Variants in SCARA5 observed in about 807,000 individuals in gnomAD.
SCARA5 encodes the protein scavenger receptor class A member 5, also known as scavenger receptor class A, member 5 (putative).
In SCARA5, 45 loss-of-function variants were observed where a neutral mutation model predicts 46.3. That is an observed-to-expected ratio of 0.97 (90% CI 0.76 to 1.24). SCARA5 has a LOEUF of 1.24. Among genes scored for constraint, SCARA5 ranks in the 50% most tolerant of loss-of-function variants. The pLI is 0.00. For missense variants in SCARA5, 680 were observed against 689.0 expected (o/e 0.99, Z 0.15); for synonymous variants, 333 against 306.5 (o/e 1.09, Z -0.90).
At chr8:27,940,541 C>G (rs550797098) in intron 3 of SCARA5, among the ~76,000 whole-genome samples, 1 of 152,030 alleles carries the variant, frequency 6.6e-6, no homozygotes, top group Non-Finnish European at 1.5e-5. Flanking sequence ...TTTCTCAAAA[C>G]CCAGTTCACA....
At chr8:27,939,151 T>C (rs1416985180) in intron 3 of SCARA5, among the ~76,000 whole-genome samples, 2 of 152,108 alleles carry the variant, frequency 1.3e-5, no homozygotes, top group Non-Finnish European at 2.9e-5. Context: ...AAACTTAGGG[T>C]TTTGGATCTG....
At chr8:27,904,718 T>C (rs2726984) in intron 7 of SCARA5, 60 bp downstream of exon 7, 890,875 of 1,464,710 alleles carry the variant, frequency 0.61, 274,095 homozygotes, top group Non-Finnish European at 0.63. Context: ...TGGGGCTGCT[T>C]GGGGGACAGC....
intron 7 of SCARA5, among the ~76,000 whole-genome samples, chr8:27,881,093 T>C (rs899706196): frequency 7.2e-5 from 11 of 152,220 alleles, no homozygotes; most frequent in African/African-American, 2.4e-4. Context: ...ATACTGTTGG[T>C]GGGAATGTAA....
At chr8:27,987,672 C>T (rs184325057) in intron 1 of SCARA5, 42 bp from the exon 2 acceptor site, 32 of 1,173,498 alleles carry the variant, frequency 2.7e-5, no homozygotes, top group African/African-American at 1.1e-4. Context: ...GGACGAAGGC[C>T]GGGAGAGAGA....
intron 7 of SCARA5, among the ~76,000 whole-genome samples, chr8:27,898,947 G>A (rs1310435662): frequency 6.6e-6 from 1 of 152,242 alleles, no homozygotes; most frequent in East Asian, 1.9e-4. Context: ...AGAGAGGGCA[G>A]GGAAGCTCTG....
Position 27,870,497 on chromosome 8 carries a change from G to A in SCARA5, c.*1437C>T, listed in dbSNP as rs967933372. The A allele has an allele frequency of 1.3e-5, 2 of 152,272 alleles. No individual in the cohort carries two copies. The highest frequency in any genetic ancestry group is 2.4e-5 in the African/African-American group (1 of 41,364). 9.4% of individuals were successfully genotyped at this position (152,272 alleles called of 1,614,324 possible). ...TGTTCCTACACCTGGAGGGGCCCAGGTCTCTCCCCAAGCAGGCCAGTGCTC... is the reference window on the plus strand; with the variant it reads ...TGTTCCTACACCTGGAGGGGCCCAGATCTCTCCCCAAGCAGGCCAGTGCTC... On this transcript the variant is annotated 3_prime_UTR_variant, in exon 9 of 9. Coordinates refer to ENST00000354914, the MANE Select transcript of SCARA5 (RefSeq NM_173833.6).
chr8:27,947,708 T>TAAAAAAAA (rs34760183), intron 3 of SCARA5, among the ~76,000 whole-genome samples: 2 of 112,910 alleles, frequency 1.8e-5, no homozygotes, highest in Admixed American at 1.8e-4. Flanking sequence ...GTGTCTCTAC[T>TAAAAAAAA]AAAAAAAAAA....
chr8:27,989,255 C>T (rs1808752474), intron 1 of SCARA5, among the ~76,000 whole-genome samples: 1 of 150,688 alleles, frequency 6.6e-6, no homozygotes, highest in South Asian at 2.1e-4. Context: ...CCCAACTCAT[C>T]CTCCTGAGTA....
intron 3 of SCARA5, among the ~76,000 whole-genome samples, chr8:27,929,252 GC>G (rs1167917110): frequency 6.9e-6 from 1 of 143,988 alleles, no homozygotes; most frequent in African/African-American, 2.5e-5. Flanking sequence ...CCCACCCACA[GC>G]CCACCCCAAG....
chr8:27,922,649 G>C (rs1423230991), intron 3 of SCARA5, among the ~76,000 whole-genome samples: 1 of 152,234 alleles, frequency 6.6e-6, no homozygotes, highest in African/African-American at 2.4e-5. Flanking sequence ...AAAAGCAGTT[G>C]CATATCAGCA....
At chr8:27,938,092 G>C (rs558480260) in intron 3 of SCARA5, among the ~76,000 whole-genome samples, 6 of 151,956 alleles carry the variant, frequency 3.9e-5, no homozygotes, top group African/African-American at 1.4e-4. Context: ...TTTCCAAGCT[G>C]TGGTCTTGTC....
At chr8:27,989,109 T>C (rs867412993) in intron 1 of SCARA5, among the ~76,000 whole-genome samples, 2,736 of 150,994 alleles carry the variant, frequency 0.018, 81 homozygotes, top group African/African-American at 0.064. Context: ...TCTTCTTTTT[T>C]TTTTTCTGTT....
intron 8 of SCARA5, among the ~76,000 whole-genome samples, chr8:27,874,309 A>C (rs1806689608): frequency 6.6e-6 from 1 of 152,220 alleles, no homozygotes; most frequent in South Asian, 2.1e-4. Context: ...CCCCAGAAAG[A>C]TTGAGTGACA....
intron 2 of SCARA5, among the ~76,000 whole-genome samples, chr8:27,973,326 A>G (rs1383400315): frequency 1.3e-5 from 2 of 151,926 alleles, no homozygotes; most frequent in Admixed American, 6.6e-5. Flanking sequence ...AAAATACAAA[A>G]ATTAGCCAGG....
intron 3 of SCARA5, among the ~76,000 whole-genome samples, chr8:27,957,698 G>A (rs976105940): frequency 6.6e-6 from 1 of 152,222 alleles, no homozygotes; most frequent in African/African-American, 2.4e-5. Flanking sequence ...GCCAGAGTAG[G>A]CAATGCGTCT....
rs1413640289 is a variant in SCARA5 at position 27,921,651 on chromosome 8, A to G, written c.836T>C (p.Met279Thr). Residue 279 changes from methionine (M) to threonine (T), a missense_variant, in exon 4 of 9, where the codon ATG becomes ACG. Physicochemically the swap from Met to Thr is moderately conservative, Grantham distance 81. Around this residue, in one of 3 missense-constraint regions of SCARA5, gnomAD observed 438 missense variants for 384.5 expected, o/e 1.14. Coordinates refer to ENST00000354914, the MANE Select transcript of SCARA5 (RefSeq NM_173833.6). ...CAGGTCCTCGGTGACCGCGTTGAGC[A>G]TGGCCAGCTCCTGCTTCAGCTGCAG... is the stretch of plus-strand genomic sequence containing the variant. ...MELQLKQELA[M>T]LNAVTEDLRL... The G allele has an allele frequency of 1.2e-6, 2 of 1,608,640 alleles. No homozygotes were observed. The highest frequency in any genetic ancestry group is 1.1e-5 in the South Asian group (1 of 90,058).
chr8:27,986,595 T>C (rs761543529), intron 2 of SCARA5, among the ~76,000 whole-genome samples: 1 of 152,204 alleles, frequency 6.6e-6, no homozygotes, highest in Non-Finnish European at 1.5e-5. Flanking sequence ...AATCTCCTTG[T>C]GTCCTCTGCC....
At chr8:27,937,863 C>A (rs527592807) in intron 3 of SCARA5, among the ~76,000 whole-genome samples, 23 of 152,168 alleles carry the variant, frequency 1.5e-4, no homozygotes, top group Non-Finnish European at 2.1e-4. Flanking sequence ...CTGGTCATAT[C>A]GGATCAGGGC....
At chr8:27,965,257 G>A (rs1808351781) in intron 3 of SCARA5, among the ~76,000 whole-genome samples, 2 of 152,198 alleles carry the variant, frequency 1.3e-5, no homozygotes, top group African/African-American at 4.8e-5. Flanking sequence ...AGACCGGGGA[G>A]GTCCTGGCCA....
Sources: gnomAD v4.1 joint callset for allele counts (sites outside exome capture counted in the v4.1 genomes callset) on GRCh38, gnomAD v4.1.1 for gene constraint, gnomAD v4.1.1 regional missense constraint, MANE v1.5 for transcripts, NCBI Gene and HGNC (gene_info 2026-07-23, HGNC 2026-07-21) for gene names.